UHMK1: variants seen among roughly 807,000 people sequenced by gnomAD.
UHMK1 encodes the protein U2AF homology motif kinase 1.
UHMK1 carries 18 observed loss-of-function variants against 44.0 expected under a neutral mutation model. The ratio of observed to expected loss-of-function variants is 0.41; its 90% confidence interval spans 0.28 to 0.61. UHMK1 has a LOEUF of 0.61. Among genes scored for constraint, UHMK1 ranks in the 20% least tolerant of loss-of-function variants. The probability of loss-of-function intolerance (pLI) is 0.31; values close to 1 mark genes in which losing one functional copy is unlikely to be tolerated. For missense variants in UHMK1, 463 were observed against 522.5 expected (o/e 0.89, Z 1.11); for synonymous variants, 231 against 198.5 (o/e 1.16, Z -1.38).
In UHMK1 at chr1:162,512,742, C is replaced by T. The variant is rs1299715162; in HGVS notation, c.943C>T (p.Leu315=). The change falls in exon 6 of 8, where the codon CTG becomes TTG. Residue 315 remains leucine, a synonymous_variant. Coordinates refer to ENST00000489294, the MANE Select transcript of UHMK1 (RefSeq NM_175866.5). ...SIPFAPHIED[L]VMLPTPVLRL... Reference sequence around the variant, plus strand: ...TTTAACAGCCCCTCATATTGAAGATCTGGTCATGCTTCCCACTCCAGTGCT... The same window carrying T: ...TTTAACAGCCCCTCATATTGAAGATTTGGTCATGCTTCCCACTCCAGTGCT... 3 of 1,613,954 alleles carry T rather than the reference C, an allele frequency of 1.9e-6. No individual in the cohort carries two copies. Among genetic ancestry groups the T allele is most frequent in the Non-Finnish European group, 2.5e-6 (3 of 1,180,000 alleles).
chr1:162,522,008 A>ATCATC (rs1652076889), intron 7 of UHMK1, among the ~76,000 whole-genome samples: 1 of 152,174 alleles, frequency 6.6e-6, no homozygotes, highest in South Asian at 2.1e-4. Context: ...AGTACAGATT[A>ATCATC]TCATCCAGGT....
At chr1:162,508,990 G>A (rs1651575534) in intron 4 of UHMK1, among the ~76,000 whole-genome samples, 1 of 151,984 alleles carries the variant, frequency 6.6e-6, no homozygotes. Flanking sequence ...ACACTATGAT[G>A]CCCAGGCTGG....
chr1:162,500,860 A>T, intron 2 of UHMK1, 53 bp from the exon 3 acceptor site: 2 of 1,543,790 alleles, frequency 1.3e-6, no homozygotes, highest in African/African-American at 2.7e-5. Flanking sequence ...GTAGAGATGG[A>T]TAGAAAGGGA....
intron 6 of UHMK1, among the ~76,000 whole-genome samples, chr1:162,514,986 T>A (rs1220974261): frequency 1.3e-5 from 2 of 152,202 alleles, no homozygotes; most frequent in Non-Finnish European, 2.9e-5. Flanking sequence ...TTCTCTAATT[T>A]TTTCCTATTA....
At chr1:162,507,442 A>T (rs1357041065) in intron 4 of UHMK1, among the ~76,000 whole-genome samples, 1 of 150,466 alleles carries the variant, frequency 6.6e-6, no homozygotes, top group African/African-American at 2.4e-5. Context: ...ATTCTATATT[A>T]TCTCTTTTTC....
chr1:162,499,786 T>C (rs904925753), intron 1 of UHMK1, among the ~76,000 whole-genome samples, 169 bp from the exon 2 acceptor site: 1 of 152,210 alleles, frequency 6.6e-6, no homozygotes, highest in Non-Finnish European at 1.5e-5. Flanking sequence ...TTTATTAAAA[T>C]AACCCAATTG....
At chr1:162,515,860 T>C (rs1019395488) in intron 6 of UHMK1, among the ~76,000 whole-genome samples, 9 of 151,784 alleles carry the variant, frequency 5.9e-5, no homozygotes, top group African/African-American at 1.9e-4. Flanking sequence ...TGGTGAAACC[T>C]GGTCTCTACT....
rs758712017 is a variant in UHMK1, at chr1:162,503,795, A to G, written c.795A>G (p.Lys265=). 2.0e-5 allele frequency: 32 copies of G among 1,614,042 alleles called. No individual in the cohort carries two copies. The highest frequency in any genetic ancestry group is 2.5e-5 in the Non-Finnish European group (30 of 1,180,030). ...SAIIDHIFAS[K]AVVNAAIPAY... ...TTATTGATCACATATTTGCCAGTAA[A>G]GCAGTGGTGAATGCCGCAATTCCAG... Residue 265 remains lysine, a synonymous_variant, in exon 4 of 8, where the codon AAA becomes AAG. Coordinates refer to ENST00000489294, the MANE Select transcript of UHMK1 (RefSeq NM_175866.5).
intron 4 of UHMK1, among the ~76,000 whole-genome samples, 178 bp downstream of exon 4, chr1:162,504,026 A>C (rs1297939283): frequency 6.6e-6 from 1 of 152,166 alleles, no homozygotes; most frequent in Non-Finnish European, 1.5e-5. Flanking sequence ...TCAGATGTTA[A>C]GCTTTTCCTG....
chr1:162,514,717 T>C (rs1198755490), intron 6 of UHMK1, among the ~76,000 whole-genome samples: 2 of 152,144 alleles, frequency 1.3e-5, no homozygotes, highest in Non-Finnish European at 2.9e-5. Flanking sequence ...GCATGAGGCA[T>C]CTGAATTAAA....
At chr1:162,510,008 A>G (rs958067901) in intron 4 of UHMK1, among the ~76,000 whole-genome samples, 8 of 152,106 alleles carry the variant, frequency 5.3e-5, no homozygotes, top group Admixed American at 4.6e-4. Flanking sequence ...TAAGGAAATA[A>G]TGGTCTTTTT....
At chr1:162,497,795 C>T, upstream of UHMK1, 3 of 1,309,504 alleles carry the variant, frequency 2.3e-6, no homozygotes, top group South Asian at 1.9e-5. Context: ...GTATGATAGG[C>T]TCTTCCTCCA....
intron 4 of UHMK1, among the ~76,000 whole-genome samples, chr1:162,511,202 T>A (rs1651657718): frequency 6.8e-6 from 1 of 148,030 alleles, no homozygotes; most frequent in South Asian, 2.1e-4. Flanking sequence ...TTTTTTTTTT[T>A]TTTTTTGAGA....
rs556152981 is a variant in UHMK1 at position 162,529,488 on chromosome 1, T to C, written c.*6938T>C. The C allele has an allele frequency of 6.6e-6, 1 of 152,304 alleles. No homozygotes were observed. Among genetic ancestry groups the C allele is most frequent in the African/African-American group, 2.4e-5 (1 of 41,586 alleles). 9.4% of individuals were successfully genotyped at this position (152,304 alleles called of 1,614,324 possible). A position where few individuals can be genotyped will look rare whatever the true frequency, so the allele number is the denominator to read the frequency against. ...TTGCATACTTTTTTGCTGAAGACTT[T>C]TTCTGTAAACACAATTGCCTTGTTC... On this transcript the variant is annotated 3_prime_UTR_variant, in exon 8 of 8. Coordinates refer to ENST00000489294, the MANE Select transcript of UHMK1 (RefSeq NM_175866.5).
In UHMK1 at chr1:162,497,953, C is replaced by T. The variant is rs577056460; in HGVS notation, c.-48C>T. The T allele has an allele frequency of 4.8e-6, 7 of 1,447,152 alleles. No individual in the cohort carries two copies. The African/African-American group carries it at 8.9e-5, about 18-fold the overall frequency. The allele number at this position is 1,447,152 out of a possible 1,614,324, so 89.6% of individuals were successfully genotyped here. Reference sequence around the variant, plus strand: ...TGTGACCGCGGGCCCGGCCGGCCTGCCTCAGGCGTCGCGTCAGCTCCCGTG... The same window carrying T: ...TGTGACCGCGGGCCCGGCCGGCCTGTCTCAGGCGTCGCGTCAGCTCCCGTG... On this transcript the variant is annotated 5_prime_UTR_variant, in exon 1 of 8. Coordinates refer to ENST00000489294, the MANE Select transcript of UHMK1 (RefSeq NM_175866.5).
Position 162,529,208 on chromosome 1 carries a change from C to G in UHMK1, c.*6658C>G, listed in dbSNP as rs1473717413. 1 of 151,852 alleles carries G rather than the reference C, an allele frequency of 6.6e-6. No individual in the cohort carries two copies. The highest frequency in any genetic ancestry group is 1.5e-5 in the Non-Finnish European group (1 of 67,948). The allele number at this position is 151,852 out of a possible 1,614,324, so 9.4% of individuals were successfully genotyped here. ...ATATTGGTCTTGGCATTTCTTGGCA[C>G]TGTGGTTCTGCTGTATTATTTGTGA... On this transcript the variant is annotated 3_prime_UTR_variant, in exon 8 of 8. Transcript: ENST00000489294.
chr1:162,499,819 A>G (rs1242246771), intron 1 of UHMK1, 136 bp from the exon 2 acceptor site: 2 of 797,034 alleles, frequency 2.5e-6, no homozygotes, highest in African/African-American at 3.5e-5. Flanking sequence ...ATTCATGGGA[A>G]AAATAAATTA....
intron 4 of UHMK1, among the ~76,000 whole-genome samples, chr1:162,511,823 C>G (rs1159775288): frequency 6.6e-6 from 1 of 152,068 alleles, no homozygotes; most frequent in Non-Finnish European, 1.5e-5. Flanking sequence ...CAGTTTTTCC[C>G]AGCACCGTTT....
At chr1:162,499,136 T>A (rs1441485269) in intron 1 of UHMK1, among the ~76,000 whole-genome samples, 1 of 152,142 alleles carries the variant, frequency 6.6e-6, no homozygotes, top group Non-Finnish European at 1.5e-5. Flanking sequence ...AGTCTTAATC[T>A]CTTTGTTAGT....
Sources: gnomAD v4.1 joint callset for allele counts (sites outside exome capture counted in the v4.1 genomes callset) on GRCh38, gnomAD v4.1.1 for gene constraint, MANE v1.5 for transcripts, NCBI Gene and HGNC (gene_info 2026-07-23, HGNC 2026-07-21) for gene names.